Variants in RALGAPA2 observed in about 807,000 individuals in gnomAD.
The protein encoded by RALGAPA2 is ral GTPase-activating protein subunit alpha-2.
Under a neutral mutation model 230.4 loss-of-function variants are expected in RALGAPA2, and 139 were observed. The observed-to-expected ratio is 0.60, with a 90% CI of 0.53 to 0.69. RALGAPA2 has a LOEUF of 0.69. Ranked by LOEUF, RALGAPA2 falls within the 30% of genes least tolerant of loss-of-function variation. The pLI is 0.00. For missense variants in RALGAPA2, 2,163 were observed against 2,276.0 expected (o/e 0.95, Z 1.01); for synonymous variants, 847 against 837.8 (o/e 1.01, Z -0.19).
intron 38 of RALGAPA2, among the ~76,000 whole-genome samples, chr20:20,409,828 T>C (rs772677706): frequency 2.0e-4 from 31 of 152,236 alleles, no homozygotes; most frequent in Non-Finnish European, 4.4e-5. Flanking sequence ...ATCAAGATTA[T>C]ATCTAGTTCA....
At chr20:20,520,454 T>G (rs2063004032) in intron 31 of RALGAPA2, among the ~76,000 whole-genome samples, 1 of 152,160 alleles carries the variant, frequency 6.6e-6, no homozygotes, top group African/African-American at 2.4e-5. Flanking sequence ...TCTAAAACTG[T>G]AGCAAGTAAA....
At chr20:20,458,989 C>T (rs1467939558) in intron 37 of RALGAPA2, among the ~76,000 whole-genome samples, 1 of 151,312 alleles carries the variant, frequency 6.6e-6, no homozygotes, top group Non-Finnish European at 1.5e-5. Flanking sequence ...GAACTGGTGG[C>T]TAAGAATGTA....
intron 16 of RALGAPA2, among the ~76,000 whole-genome samples, chr20:20,594,427 T>A (rs2065385987): frequency 6.6e-6 from 1 of 152,084 alleles, no homozygotes; most frequent in Non-Finnish European, 1.5e-5. Context: ...CGAATGAAAA[T>A]CATTTTAATA....
chr20:20,585,050 AAATAAT>A (rs1054926282), intron 18 of RALGAPA2, 95 bp from the exon 19 acceptor site: 1 of 622,840 alleles, frequency 1.6e-6, no homozygotes, highest in East Asian at 2.9e-5. Flanking sequence ...AAAAAGAAAC[AAATAAT>A]AATAATAGCT....
At chr20:20,685,658 T>C (rs1014661255) in intron 1 of RALGAPA2, among the ~76,000 whole-genome samples, 3 of 152,008 alleles carry the variant, frequency 2.0e-5, no homozygotes, top group Non-Finnish European at 4.4e-5. Context: ...AAATAAATCA[T>C]CACCTTGAGG....
intron 24 of RALGAPA2, among the ~76,000 whole-genome samples, chr20:20,541,810 T>G (rs1428903779): frequency 6.6e-6 from 1 of 152,208 alleles, no homozygotes; most frequent in East Asian, 1.9e-4. Context: ...CTAGCCACAC[T>G]GACAGAAAAT....
intron 36 of RALGAPA2, among the ~76,000 whole-genome samples, chr20:20,474,537 G>A (rs377333383): frequency 6.6e-6 from 1 of 152,180 alleles, no homozygotes; most frequent in East Asian, 1.9e-4. Flanking sequence ...AAGAGATGGT[G>A]GTAATGGCTT....
intron 37 of RALGAPA2, among the ~76,000 whole-genome samples, chr20:20,445,719 A>G (rs930682144): frequency 2.0e-5 from 3 of 152,206 alleles, no homozygotes; most frequent in Non-Finnish European, 2.9e-5. Flanking sequence ...CTTAGGAATT[A>G]CACTTCCATG....
chr20:20,547,973 T>G (rs1421504324), intron 23 of RALGAPA2, among the ~76,000 whole-genome samples: 1 of 152,108 alleles, frequency 6.6e-6, no homozygotes, highest in Non-Finnish European at 1.5e-5. Context: ...ACAGAAAAGG[T>G]TCAGTAAAAA....
At chr20:20,417,510 T>G (rs1196754700) in intron 37 of RALGAPA2, among the ~76,000 whole-genome samples, 1 of 152,196 alleles carries the variant, frequency 6.6e-6, no homozygotes, top group Non-Finnish European at 1.5e-5. Flanking sequence ...CCTCACTGGA[T>G]TTACTGCTCT....
At chr20:20,581,737 A>G (rs2064989757) in intron 20 of RALGAPA2, among the ~76,000 whole-genome samples, 1 of 152,222 alleles carries the variant, frequency 6.6e-6, no homozygotes, top group Non-Finnish European at 1.5e-5. Context: ...TGTTAATTTT[A>G]TGAAGTTTTA....
At chr20:20,578,230 G>T (rs912845894) in intron 20 of RALGAPA2, among the ~76,000 whole-genome samples, 1 of 152,108 alleles carries the variant, frequency 6.6e-6, no homozygotes, top group Admixed American at 6.6e-5. Context: ...TGCTGGTGGC[G>T]TAAGTGACAG....
chr20:20,405,034 T>A (rs1029711275), intron 38 of RALGAPA2, among the ~76,000 whole-genome samples: 3 of 152,220 alleles, frequency 2.0e-5, no homozygotes, highest in Non-Finnish European at 4.4e-5. Flanking sequence ...CTATCCTCTA[T>A]CTTTTTATTT....
chr20:20,608,680 G>A (rs2065893640), intron 14 of RALGAPA2, among the ~76,000 whole-genome samples: 1 of 152,184 alleles, frequency 6.6e-6, no homozygotes, highest in South Asian at 2.1e-4. Flanking sequence ...GGCAGCGTGG[G>A]ACCAAGATGA....
At chr20:20,419,694 CT>C (rs2060237145) in intron 37 of RALGAPA2, among the ~76,000 whole-genome samples, 1 of 152,196 alleles carries the variant, frequency 6.6e-6, no homozygotes, top group Non-Finnish European at 1.5e-5. Flanking sequence ...ACAAAACCAG[CT>C]GAATCTGAGA....
intron 1 of RALGAPA2, among the ~76,000 whole-genome samples, chr20:20,697,592 C>A (rs2069169097): frequency 3.9e-5 from 6 of 152,128 alleles, no homozygotes; most frequent in Admixed American, 3.9e-4. Context: ...TCTCTAGGAA[C>A]AGGACAAGTG....
At chr20:20,623,663 G>A (rs962140560) in intron 10 of RALGAPA2, among the ~76,000 whole-genome samples, 4 of 152,114 alleles carry the variant, frequency 2.6e-5, no homozygotes, top group African/African-American at 9.7e-5. Context: ...TCTCTGAGGT[G>A]CATTCAGGAT....
chr20:20,526,923 T>C (rs897090435), intron 27 of RALGAPA2, among the ~76,000 whole-genome samples: 1 of 152,232 alleles, frequency 6.6e-6, no homozygotes, highest in Non-Finnish European at 1.5e-5. Flanking sequence ...AATTATGGTA[T>C]ACTCAATTAT....
chr20:20,451,410 T>A lies in RALGAPA2; in HGVS notation c.5495+21419A>T, dbSNP rs540390751. On this transcript the variant is annotated intron_variant, in intron 37 of 39. Coordinates refer to ENST00000202677, the MANE Select transcript of RALGAPA2 (RefSeq NM_020343.4). ...AAAAAGTAATCTATTTTTAAAAAAATCTATATTACCCTCTTAGGTTGAAGT... is the reference window on the plus strand; with the variant it reads ...AAAAAGTAATCTATTTTTAAAAAAAACTATATTACCCTCTTAGGTTGAAGT... Among the ~76,000 whole-genome samples the A allele has an allele frequency of 7.9e-5, 12 of 152,272 alleles. No individual in the cohort carries two copies. The South Asian group carries it at 2.5e-3, about 32-fold the overall frequency.
Sources: allele counts gnomAD v4.1 joint callset (sites outside exome capture counted in the v4.1 genomes callset), GRCh38; gene constraint gnomAD v4.1.1; transcripts MANE v1.5; gene names NCBI Gene and HGNC (gene_info 2026-07-23, HGNC 2026-07-21).